TRPM3: variants seen among roughly 807,000 people sequenced by gnomAD.
TRPM3 encodes the protein transient receptor potential cation channel subfamily M member 3, also known as long transient receptor potential channel 3.
In TRPM3, 77 loss-of-function variants were observed where a neutral mutation model predicts 181.2. That is an observed-to-expected ratio of 0.42 (90% CI 0.35 to 0.51). The LOEUF (loss-of-function observed/expected upper bound fraction) is 0.51, where lower values mean the gene tolerates loss of function less well. Ranked by LOEUF, TRPM3 falls within the 20% of genes least tolerant of loss-of-function variation. The pLI is 0.01. For missense variants in TRPM3, 1,759 were observed against 2,196.7 expected, an observed-to-expected ratio of 0.80 and a Z score of 3.98; for synonymous variants, 745 against 796.4, an observed-to-expected ratio of 0.94 and a Z score of 1.09.
chr9:70,812,345 TG>T (rs1194714382), intron 6 of TRPM3, among the ~76,000 whole-genome samples: 1 of 152,154 alleles, frequency 6.6e-6, no homozygotes, highest in Admixed American at 6.5e-5. Flanking sequence ...CAACATCACT[TG>T]GTTATATGTC....
intron 25 of TRPM3, among the ~76,000 whole-genome samples, chr9:70,542,125 A>G (rs1485206670): frequency 6.6e-6 from 1 of 152,232 alleles, no homozygotes; most frequent in East Asian, 1.9e-4. Flanking sequence ...TATCTCAAAC[A>G]AAACAAAGTT....
intron 1 of TRPM3, among the ~76,000 whole-genome samples, chr9:70,969,940 G>A (rs1001898853): frequency 1.3e-5 from 2 of 151,860 alleles, no homozygotes; most frequent in East Asian, 3.9e-4. Context: ...TTGAAACCAG[G>A]TCTATAGGTC....
intron 1 of TRPM3, among the ~76,000 whole-genome samples, chr9:70,874,346 A>G (rs2095838841): frequency 6.6e-6 from 1 of 151,956 alleles, no homozygotes; most frequent in Admixed American, 6.6e-5. Flanking sequence ...ATTTCATGTA[A>G]TCTTAATAAC....
intron 22 of TRPM3, among the ~76,000 whole-genome samples, chr9:70,587,800 T>G (rs917360137): frequency 2.6e-5 from 4 of 152,206 alleles, no homozygotes; most frequent in Non-Finnish European, 5.9e-5. Flanking sequence ...GGATTCTATA[T>G]AGCAAACACG....
chr9:70,741,648 A>C (rs2074125847), intron 8 of TRPM3, among the ~76,000 whole-genome samples: 1 of 152,194 alleles, frequency 6.6e-6, no homozygotes, highest in Non-Finnish European at 1.5e-5. Context: ...CAGCCATAGA[A>C]AGGAATGGAA....
At position 70,534,883 on chromosome 9, in the gene TRPM3, G is replaced by A. The variant is rs1380916018; in HGVS notation, c.*1070C>T. 1.3e-5 allele frequency: 2 copies of A among 152,636 alleles called. No individual in the cohort carries two copies. Among genetic ancestry groups the A allele is most frequent in the East Asian group, 1.9e-4 (1 of 5,198 alleles). The allele number at this position is 152,636 out of a possible 1,614,324, so 9.5% of individuals were successfully genotyped here. On this transcript the variant is annotated 3_prime_UTR_variant, in exon 26 of 26. Transcript: ENST00000677713. The stretch of plus-strand genomic sequence containing the variant: ...ACAAAATGGTCATGTGATGAGTGGT[G>A]TGAAAAATTGGCAGTTACGTCTTGG...
chr9:71,264,708 T>C (rs755932640), intron 1 of TRPM3, among the ~76,000 whole-genome samples: 3 of 152,166 alleles, frequency 2.0e-5, no homozygotes, highest in Non-Finnish European at 4.4e-5. Context: ...TTGCTCAAGA[T>C]GGCCCTTGAA....
intron 9 of TRPM3, among the ~76,000 whole-genome samples, chr9:70,646,148 T>C (rs2058805595): frequency 6.6e-6 from 1 of 152,212 alleles, no homozygotes; most frequent in Non-Finnish European, 1.5e-5. Context: ...AGTTCAACCA[T>C]TGTGGAAGAC....
At chr9:70,901,467 G>A (rs2096385921) in intron 1 of TRPM3, among the ~76,000 whole-genome samples, 1 of 151,982 alleles carries the variant, frequency 6.6e-6, no homozygotes, top group East Asian at 1.9e-4. Flanking sequence ...AACAAGGTAG[G>A]TTAAATGTAA....
chr9:70,659,662 T>C (rs1249194360), intron 9 of TRPM3, among the ~76,000 whole-genome samples: 2 of 152,162 alleles, frequency 1.3e-5, no homozygotes, highest in African/African-American at 2.4e-5. Context: ...TCTAGTCTTG[T>C]CTAATGTTTT....
chr9:71,237,340 A>T (rs1361132438), intron 1 of TRPM3, among the ~76,000 whole-genome samples: 1 of 152,136 alleles, frequency 6.6e-6, no homozygotes, highest in African/African-American at 2.4e-5. Flanking sequence ...ATATGACCTC[A>T]ACATTTTCCT....
chr9:71,133,292 CTTTT>C (rs761379173), intron 1 of TRPM3, among the ~76,000 whole-genome samples: 1 of 72,306 alleles, frequency 1.4e-5, no homozygotes, highest in African/African-American at 4.9e-5. Flanking sequence ...TAGCAAATTG[CTTTT>C]TTTTTTTTTT....
At chr9:71,121,054 CCA>C in intron 1 of TRPM3, 122 bp downstream of exon 1, 1 of 864,038 alleles carries the variant, frequency 1.2e-6, no homozygotes, top group South Asian at 2.0e-5. Flanking sequence ...CAGCCACGGA[CCA>C]CAGAGCCAGT....
intron 1 of TRPM3, among the ~76,000 whole-genome samples, chr9:71,026,232 A>C (rs563461320): frequency 6.6e-6 from 1 of 152,256 alleles, no homozygotes; most frequent in Admixed American, 6.5e-5. Flanking sequence ...TGCACTCTGC[A>C]GGGCAGTCTT....
At chr9:70,793,354 C>T (rs1217099139) in intron 6 of TRPM3, among the ~76,000 whole-genome samples, 1 of 150,724 alleles carries the variant, frequency 6.6e-6, no homozygotes. Flanking sequence ...TACTCAGGAC[C>T]CTGAGGTAGG....
chr9:71,004,781 GA>G (rs2134279058), intron 1 of TRPM3, among the ~76,000 whole-genome samples: 1 of 152,090 alleles, frequency 6.6e-6, no homozygotes. Context: ...CAAAGAAATA[GA>G]AACAATAATA....
chr9:70,670,226 T>G (rs2134059058), intron 9 of TRPM3, among the ~76,000 whole-genome samples: 1 of 152,324 alleles, frequency 6.6e-6, no homozygotes, highest in African/African-American at 2.4e-5. Flanking sequence ...GCATAATTAT[T>G]AATACTGCCA....
At chr9:71,384,586 C>A (rs986705725) in intron 1 of TRPM3, among the ~76,000 whole-genome samples, 6 of 152,304 alleles carry the variant, frequency 3.9e-5, no homozygotes, top group Admixed American at 2.0e-4. Flanking sequence ...ATGGAAACTG[C>A]CAGTCACTCA....
rs372356568 is a variant in TRPM3 at position 71,176,681 on chromosome 9, C to T, written c.183+269972G>A. On this transcript the variant is annotated intron_variant, in intron 1 of 24. Transcript: ENST00000357533. ...TCACATTCACTCACCACTCACCCAC[C>T]GACTCACCCAGAGCAACTTCCAGTC... Among the ~76,000 whole-genome samples the T allele has an allele frequency of 7.2e-5, 11 of 151,994 alleles. 1 individual carries two copies. The highest frequency in any genetic ancestry group is 1.7e-4 in the African/African-American group (7 of 41,354).
Sources: allele counts gnomAD v4.1 joint callset (sites outside exome capture counted in the v4.1 genomes callset), GRCh38; gene constraint gnomAD v4.1.1; transcripts MANE v1.5; gene names NCBI Gene and HGNC (gene_info 2026-07-23, HGNC 2026-07-21).